The following ADGRB3 variants were observed in gnomAD, a reference collection of about 807,000 sequenced individuals.
ADGRB3 encodes the protein brain-specific angiogenesis inhibitor 3.
Under a neutral mutation model 193.4 loss-of-function variants are expected in ADGRB3, and 37 were observed. The ratio of observed to expected loss-of-function variants is 0.19; its 90% confidence interval spans 0.15 to 0.25. ADGRB3 has a LOEUF of 0.25. Among genes scored for constraint, ADGRB3 ranks in the 10% least tolerant of loss-of-function variants. ADGRB3 has a pLI of 1.00. For synonymous variants in ADGRB3, 690 were observed against 644.2 expected (o/e 1.07, Z -1.08); for missense variants, 1,637 against 1,852.9 (o/e 0.88, Z 2.14).
intron 16 of ADGRB3, among the ~76,000 whole-genome samples, chr6:69,073,990 T>G (rs966949755): frequency 8.5e-5 from 13 of 152,350 alleles, no homozygotes; most frequent in African/African-American, 3.1e-4. Flanking sequence ...CGTGATTTAA[T>G]GTGACCACCA....
chr6:68,713,752 A>G (rs549056386), intron 3 of ADGRB3, among the ~76,000 whole-genome samples: 45 of 151,462 alleles, frequency 3.0e-4, no homozygotes, highest in African/African-American at 1.0e-3. Flanking sequence ...ATTTACTCAC[A>G]ACTCTCTCTA....
intron 3 of ADGRB3, among the ~76,000 whole-genome samples, chr6:68,747,803 C>T (rs551266986): frequency 1.3e-4 from 20 of 152,218 alleles, no homozygotes; most frequent in South Asian, 6.2e-4. Flanking sequence ...CAAAAATTCT[C>T]ATTAGCAGTT....
intron 3 of ADGRB3, among the ~76,000 whole-genome samples, chr6:68,735,072 T>C (rs1765846401): frequency 6.6e-6 from 1 of 152,058 alleles, no homozygotes; most frequent in Admixed American, 6.6e-5. Context: ...CTGACCATAA[T>C]TTAAAAGCTA....
At chr6:68,911,698 A>G (rs1173558274) in intron 3 of ADGRB3, among the ~76,000 whole-genome samples, 8 of 152,312 alleles carry the variant, frequency 5.3e-5, no homozygotes, top group African/African-American at 1.9e-4. Context: ...ACTACTTTCC[A>G]TGGTCTTTGC....
intron 20 of ADGRB3, among the ~76,000 whole-genome samples, chr6:69,270,083 A>G (rs563586856): frequency 6.6e-6 from 1 of 152,030 alleles, no homozygotes; most frequent in South Asian, 2.1e-4. Context: ...AGTTTGTGGG[A>G]TGGGTTTATT....
At chr6:68,819,140 A>G (rs939636253) in intron 3 of ADGRB3, among the ~76,000 whole-genome samples, 4 of 151,982 alleles carry the variant, frequency 2.6e-5, no homozygotes, top group African/African-American at 7.2e-5. Flanking sequence ...AATGATATGC[A>G]CCTATCCTCA....
chr6:69,237,704 A>G (rs1161465888), intron 19 of ADGRB3, among the ~76,000 whole-genome samples: 1 of 152,082 alleles, frequency 6.6e-6, no homozygotes, highest in Admixed American at 6.6e-5. Context: ...CCCTTTTCAT[A>G]ATGTCATCTG....
Position 68,827,441 on chromosome 6 carries a change from A to AT in ADGRB3, c.758-103108dup, listed in dbSNP as rs899959292. On this transcript the variant is annotated intron_variant, in intron 3 of 31. Transcript: ENST00000370598. Reference sequence around the variant, plus strand: ...AGGTAGGGGAGCAGCGATAAAAGAGATTTTTTTTTTCAGATGGTAAACATA... The same window carrying AT: ...AGGTAGGGGAGCAGCGATAAAAGAGATTTTTTTTTTTCAGATGGTAAACATA... 2.7e-3 allele frequency among the ~76,000 whole-genome samples: 403 copies of AT among 150,424 alleles called. 5 individuals are homozygous for AT. Among genetic ancestry groups the AT allele is most frequent in the Middle Eastern group, 6.8e-3 (2 of 292 alleles).
At chr6:69,038,158 T>C (rs1248358564) in intron 13 of ADGRB3, among the ~76,000 whole-genome samples, 1 of 152,318 alleles carries the variant, frequency 6.6e-6, no homozygotes, top group Admixed American at 6.5e-5. Flanking sequence ...CAGTTTTCAT[T>C]GCCACTGCTC....
chr6:69,195,905 T>C (rs991404029), intron 17 of ADGRB3, among the ~76,000 whole-genome samples: 1 of 152,058 alleles, frequency 6.6e-6, no homozygotes, highest in African/African-American at 2.4e-5. Flanking sequence ...GAGTTTGGAG[T>C]TTAGGAAACA....
intron 3 of ADGRB3, among the ~76,000 whole-genome samples, chr6:68,919,940 T>C (rs1766989345): frequency 6.6e-6 from 1 of 152,196 alleles, no homozygotes; most frequent in African/African-American, 2.4e-5. Flanking sequence ...GCAGTTACCC[T>C]TTATTAATCA....
At chr6:69,172,188 A>G (rs758293831) in intron 17 of ADGRB3, among the ~76,000 whole-genome samples, 32 of 152,286 alleles carry the variant, frequency 2.1e-4, no homozygotes, top group South Asian at 1.0e-3. Flanking sequence ...ATAAATGTCT[A>G]TTTGTCTACA....
At chr6:68,876,483 A>G (rs1198579952) in intron 3 of ADGRB3, among the ~76,000 whole-genome samples, 2 of 152,198 alleles carry the variant, frequency 1.3e-5, no homozygotes, top group Non-Finnish European at 2.9e-5. Context: ...AATTATTACT[A>G]GAAGATTTTG....
At chr6:68,830,891 C>T in intron 3 of ADGRB3, among the ~76,000 whole-genome samples, 1 of 150,622 alleles carries the variant, frequency 6.6e-6, no homozygotes, top group East Asian at 2.0e-4. Context: ...GGGAAAACCC[C>T]ACCTGCCACA....
intron 3 of ADGRB3, among the ~76,000 whole-genome samples, chr6:68,643,199 C>A (rs1189737002): frequency 1.3e-5 from 2 of 152,198 alleles, no homozygotes; most frequent in Non-Finnish European, 2.9e-5. Context: ...TCTTTCTACT[C>A]TGCCTTTGCT....
intron 3 of ADGRB3, among the ~76,000 whole-genome samples, chr6:68,899,387 C>T (rs1019376273): frequency 1.3e-5 from 2 of 151,390 alleles, no homozygotes; most frequent in Non-Finnish European, 2.9e-5. Context: ...GTGCACTGCA[C>T]CCACTAACTC....
intron 3 of ADGRB3, among the ~76,000 whole-genome samples, chr6:68,702,076 G>A (rs1330576096): frequency 6.6e-6 from 1 of 152,046 alleles, no homozygotes; most frequent in Admixed American, 6.6e-5. Context: ...AGAGGAGTAA[G>A]TGACTCTTGG....
chr6:68,901,108 A>G (rs1474302890), intron 3 of ADGRB3, among the ~76,000 whole-genome samples: 1 of 152,122 alleles, frequency 6.6e-6, no homozygotes, highest in Non-Finnish European at 1.5e-5. Flanking sequence ...AATAATAACA[A>G]GCATTTATTA....
chr6:68,760,970 A>G (rs984003827), intron 3 of ADGRB3, among the ~76,000 whole-genome samples: 1 of 152,198 alleles, frequency 6.6e-6, no homozygotes, highest in Non-Finnish European at 1.5e-5. Flanking sequence ...TCTAAAATAC[A>G]TTGGTATCAT....
Sources: gnomAD v4.1 joint callset for allele counts (sites outside exome capture counted in the v4.1 genomes callset) on GRCh38, gnomAD v4.1.1 for gene constraint, MANE v1.5 for transcripts, NCBI Gene and HGNC (gene_info 2026-07-23, HGNC 2026-07-21) for gene names.